FHIT: variants seen among roughly 807,000 people sequenced by gnomAD.
The protein encoded by FHIT is fragile histidine triad diadenosine triphosphatase.
In FHIT, 19 loss-of-function variants were observed where a neutral mutation model predicts 17.9. That is an observed-to-expected ratio of 1.06 (90% CI 0.74 to 1.56). FHIT has a LOEUF of 1.56. Among genes scored for constraint, FHIT ranks in the 40% most tolerant of loss-of-function variants. FHIT has a pLI of 0.00. For synonymous variants in FHIT, 81 were observed against 69.7 expected (o/e 1.16, Z -0.81); for missense variants, 248 against 189.2 (o/e 1.31, Z -1.82).
chr3:60,927,543 G>A (rs185646207), intron 3 of FHIT, among the ~76,000 whole-genome samples: 34 of 151,290 alleles, frequency 2.2e-4, no homozygotes, highest in South Asian at 4.2e-4. Flanking sequence ...AGTGAGGAGC[G>A]TCTCTGCCTG....
chr3:60,691,060 G>T (rs2040977371), intron 4 of FHIT, among the ~76,000 whole-genome samples: 1 of 152,246 alleles, frequency 6.6e-6, no homozygotes. Context: ...AAGTTGAAAT[G>T]ATATAAAACC....
At chr3:60,844,768 T>C (rs1245041150) in intron 3 of FHIT, among the ~76,000 whole-genome samples, 1 of 152,178 alleles carries the variant, frequency 6.6e-6, no homozygotes, top group Non-Finnish European at 1.5e-5. Context: ...ACTAGAAATG[T>C]CTATACAGGT....
intron 8 of FHIT, among the ~76,000 whole-genome samples, chr3:59,784,410 T>C (rs970916052): frequency 6.6e-6 from 1 of 152,230 alleles, no homozygotes; most frequent in Non-Finnish European, 1.5e-5. Context: ...CTAGCTTCCC[T>C]GGCTTTCCAT....
chr3:60,077,729 C>CACACACATAT (rs1559611496), intron 5 of FHIT, among the ~76,000 whole-genome samples: 2 of 67,188 alleles, frequency 3.0e-5, no homozygotes, highest in African/African-American at 9.8e-5. Flanking sequence ...CACACACACA[C>CACACACATAT]ATATATAGAG....
At chr3:60,308,031 C>T (rs1708762541) in intron 5 of FHIT, among the ~76,000 whole-genome samples, 1 of 152,132 alleles carries the variant, frequency 6.6e-6, no homozygotes, top group Non-Finnish European at 1.5e-5. Context: ...GTACTATCAG[C>T]AACACTACTT....
At chr3:60,237,195 A>G (rs1416205928) in intron 5 of FHIT, among the ~76,000 whole-genome samples, 4 of 152,072 alleles carry the variant, frequency 2.6e-5, no homozygotes, top group Non-Finnish European at 4.4e-5. Context: ...CTGGCTTCCC[A>G]GAGTATGGAA....
intron 4 of FHIT, among the ~76,000 whole-genome samples, chr3:60,624,903 T>TGTTTG (rs60577473): frequency 6.7e-6 from 1 of 149,932 alleles, no homozygotes. Context: ...TAGTTTTTTT[T>TGTTTG]TTTGTTTGTT....
At chr3:59,958,594 A>G (rs1190646988) in intron 7 of FHIT, among the ~76,000 whole-genome samples, 3 of 152,230 alleles carry the variant, frequency 2.0e-5, no homozygotes, top group African/African-American at 7.2e-5. Flanking sequence ...AACTCCATTC[A>G]ATTAGCTGCA....
chr3:60,761,546 G>GA (rs1699656917), intron 4 of FHIT, among the ~76,000 whole-genome samples: 2 of 148,336 alleles, frequency 1.3e-5, no homozygotes, highest in South Asian at 2.1e-4. Context: ...TGTCTGATTT[G>GA]AAAAAAGAAC....
At chr3:59,777,308 C>A (rs1034643489) in intron 8 of FHIT, among the ~76,000 whole-genome samples, 2 of 152,024 alleles carry the variant, frequency 1.3e-5, no homozygotes. Context: ...TCCAACCATG[C>A]GTGTTTAATG....
At position 60,939,993 on chromosome 3, in the gene FHIT, C is replaced by A. The variant is rs140114259; in HGVS notation, c.-111+102054G>T. Among the ~76,000 whole-genome samples, 534 of 152,058 alleles carry A rather than the reference C, an allele frequency of 3.5e-3. 5 individuals are homozygous for A. The highest frequency in any genetic ancestry group is 0.012 in the African/African-American group (503 of 41,526). On this transcript the variant is annotated intron_variant, in intron 3 of 9. Coordinates refer to ENST00000492590, the MANE Select transcript of FHIT (RefSeq NM_002012.4). ...TTTATTGAAAAGGAATCACACAGAC[C>A]ATGTCTGAATTATTATAAAGGCTTC...
chr3:59,974,753 T>C (rs1279095040), intron 7 of FHIT, among the ~76,000 whole-genome samples: 1 of 152,090 alleles, frequency 6.6e-6, no homozygotes, highest in Non-Finnish European at 1.5e-5. Flanking sequence ...CCTTTAGGTG[T>C]GTGAATTCCA....
chr3:60,237,626 CT>C lies in FHIT; in HGVS notation c.104-223475del, dbSNP rs372876835. ...GGCCACCCAAGATCACAAGATTGTACTTGATTCCACAAAGCGCTCCACTGAC... is the reference window on the plus strand; with the variant it reads ...GGCCACCCAAGATCACAAGATTGTACTGATTCCACAAAGCGCTCCACTGAC... On this transcript the variant is annotated intron_variant, in intron 5 of 9. Coordinates refer to ENST00000492590, the MANE Select transcript of FHIT (RefSeq NM_002012.4). Among the ~76,000 whole-genome samples, 102 of 152,268 alleles carry C rather than the reference CT, an allele frequency of 6.7e-4. 1 individual carries two copies. The South Asian group carries it at 0.02, about 30-fold the overall frequency.
intron 2 of FHIT, among the ~76,000 whole-genome samples, chr3:61,182,702 G>T (rs961414833): frequency 2.0e-5 from 3 of 152,132 alleles, no homozygotes; most frequent in African/African-American, 7.2e-5. Flanking sequence ...ACCAAAAGAG[G>T]TAGGCAGGGC....
chr3:60,001,660 A>G (rs1699733828), intron 7 of FHIT, among the ~76,000 whole-genome samples: 1 of 152,142 alleles, frequency 6.6e-6, no homozygotes, highest in Non-Finnish European at 1.5e-5. Context: ...CAAGTAGTGG[A>G]TGATGCTAAT....
At chr3:59,865,781 T>A (rs1702619066) in intron 8 of FHIT, among the ~76,000 whole-genome samples, 2 of 152,190 alleles carry the variant, frequency 1.3e-5, no homozygotes, top group Non-Finnish European at 2.9e-5. Flanking sequence ...ACCCAGCCAC[T>A]CCTTCACCTC....
At chr3:61,234,384 T>C (rs2040178542) in intron 1 of FHIT, among the ~76,000 whole-genome samples, 1 of 152,190 alleles carries the variant, frequency 6.6e-6, no homozygotes, top group Non-Finnish European at 1.5e-5. Context: ...TGGGATAGAT[T>C]AAAAAATAAT....
intron 7 of FHIT, among the ~76,000 whole-genome samples, chr3:59,936,264 A>G (rs1706233910): frequency 6.6e-6 from 1 of 152,144 alleles, no homozygotes; most frequent in Admixed American, 6.5e-5. Flanking sequence ...AATATGAAGA[A>G]TATCTATTTT....
chr3:59,904,679 C>T (rs976943504), intron 8 of FHIT, among the ~76,000 whole-genome samples: 1 of 152,124 alleles, frequency 6.6e-6, no homozygotes, highest in African/African-American at 2.4e-5. Context: ...TGTACCATGC[C>T]CAAGAAGAAT....
Sources: gnomAD v4.1 joint callset for allele counts (sites outside exome capture counted in the v4.1 genomes callset) on GRCh38, gnomAD v4.1.1 for gene constraint, MANE v1.5 for transcripts, NCBI Gene and HGNC (gene_info 2026-07-23, HGNC 2026-07-21) for gene names.